Variants in CNTN4 observed in about 807,000 individuals in gnomAD.
CNTN4 encodes the protein contactin-4.
A neutral mutation model predicts 122.5 loss-of-function variants in CNTN4; 77 were observed. The observed-to-expected ratio is 0.63, with a 90% confidence interval of 0.52 to 0.76. The LOEUF (loss-of-function observed/expected upper bound fraction) is 0.76. Among genes scored for constraint, CNTN4 ranks in the 30% least tolerant of loss-of-function variants. The probability of loss-of-function intolerance (pLI) is 0.00; values close to 1 mark genes in which losing one functional copy is unlikely to be tolerated. For synonymous variants in CNTN4, 512 were observed against 447.0 expected, an observed-to-expected ratio of 1.15 and a Z score of -1.83; for missense variants, 1,256 against 1,259.1, an observed-to-expected ratio of 1.00 and a Z score of 0.04.
intron 7 of CNTN4, among the ~76,000 whole-genome samples, chr3:2,857,042 A>G (rs1305677134): frequency 2.0e-5 from 3 of 152,086 alleles, no homozygotes; most frequent in Admixed American, 6.5e-5. Flanking sequence ...TGAGACAAAA[A>G]ACCTCTATGG....
chr3:2,516,265 G>A (rs1353080213), intron 3 of CNTN4, among the ~76,000 whole-genome samples: 1 of 151,984 alleles, frequency 6.6e-6, no homozygotes, highest in Non-Finnish European at 1.5e-5. Context: ...TTAGGCAGCA[G>A]GCCTGTTGTA....
intron 3 of CNTN4, among the ~76,000 whole-genome samples, chr3:2,547,101 CA>C (rs959876713): frequency 6.6e-6 from 1 of 150,994 alleles, no homozygotes; most frequent in Non-Finnish European, 1.5e-5. Context: ...GAAAGCTAAA[CA>C]TTGGGAGAAA....
chr3:2,840,019 C>A (rs17021313), intron 7 of CNTN4, among the ~76,000 whole-genome samples: 9,717 of 152,172 alleles, frequency 0.064, 504 homozygotes, highest in East Asian at 0.17. Context: ...GAGCCAAGAT[C>A]TCTGGTGACG....
chr3:2,416,442 T>C (rs2047415470), intron 3 of CNTN4, among the ~76,000 whole-genome samples: 1 of 152,070 alleles, frequency 6.6e-6, no homozygotes, highest in Non-Finnish European at 1.5e-5. Flanking sequence ...GAAATGAAAA[T>C]TGGGAGGTAA....
intron 14 of CNTN4, among the ~76,000 whole-genome samples, chr3:2,998,870 C>T (rs758048231): frequency 4.6e-5 from 7 of 152,242 alleles, no homozygotes; most frequent in Middle Eastern, 3.4e-3. Context: ...AGTGACATGA[C>T]GCCAACTTCA....
chr3:2,800,160 A>AT (rs1384947498), intron 6 of CNTN4, among the ~76,000 whole-genome samples: 1 of 149,480 alleles, frequency 6.7e-6, no homozygotes, highest in Non-Finnish European at 1.5e-5. Flanking sequence ...TAATTTTAAG[A>AT]TTTAAAAAAA....
intron 3 of CNTN4, among the ~76,000 whole-genome samples, chr3:2,427,405 G>C (rs867535027): frequency 8.5e-5 from 13 of 152,292 alleles, no homozygotes; most frequent in African/African-American, 2.6e-4. Flanking sequence ...TTAATCCTGA[G>C]TTCTAGTTTG....
chr3:2,824,881 T>G (rs2092954079), intron 7 of CNTN4, among the ~76,000 whole-genome samples: 1 of 152,120 alleles, frequency 6.6e-6, no homozygotes, highest in Non-Finnish European at 1.5e-5. Flanking sequence ...CAGGCTGATC[T>G]CAAACTCCCG....
intron 3 of CNTN4, among the ~76,000 whole-genome samples, chr3:2,506,849 T>G (rs2076743930): frequency 6.6e-6 from 1 of 152,080 alleles, no homozygotes; most frequent in South Asian, 2.1e-4. Context: ...GATTTTTTTT[T>G]GTAGTGATAC....
intron 3 of CNTN4, among the ~76,000 whole-genome samples, chr3:2,419,624 A>G (rs1212918681): frequency 6.6e-6 from 1 of 152,326 alleles, no homozygotes; most frequent in Admixed American, 6.5e-5. Context: ...AAATAAATCT[A>G]AAATGAAATT....
chr3:2,665,062 C>A (rs2084083601), intron 4 of CNTN4, among the ~76,000 whole-genome samples: 1 of 152,164 alleles, frequency 6.6e-6, no homozygotes, highest in East Asian at 1.9e-4. Context: ...AGTTGTATTT[C>A]ATCTCTAGGG....
At chr3:2,527,509 T>C (rs1201141966) in intron 3 of CNTN4, among the ~76,000 whole-genome samples, 1 of 152,208 alleles carries the variant, frequency 6.6e-6, no homozygotes, top group African/African-American at 2.4e-5. Context: ...TTTCAAGATT[T>C]AGCATCTGAA....
intron 4 of CNTN4, among the ~76,000 whole-genome samples, chr3:2,687,029 G>C (rs1576457699): frequency 6.6e-6 from 1 of 152,160 alleles, no homozygotes; most frequent in African/African-American, 2.4e-5. Context: ...TGTTAATGAA[G>C]CCACAGGTGG....
intron 2 of CNTN4, among the ~76,000 whole-genome samples, chr3:2,165,194 G>A (rs2036143452): frequency 1.3e-5 from 2 of 151,954 alleles, no homozygotes; most frequent in African/African-American, 4.8e-5. Flanking sequence ...GTGATGGCGG[G>A]CTCCTGTAAT....
intron 4 of CNTN4, among the ~76,000 whole-genome samples, chr3:2,651,824 C>A (rs2083375073): frequency 6.6e-6 from 1 of 151,528 alleles, no homozygotes; most frequent in Non-Finnish European, 1.5e-5. Flanking sequence ...CTACTTCTTA[C>A]TCTCGAGTAG....
chr3:2,328,758 C>G (rs952945583), intron 2 of CNTN4, among the ~76,000 whole-genome samples: 2 of 151,996 alleles, frequency 1.3e-5, no homozygotes, highest in African/African-American at 4.8e-5. Context: ...TATAAGTAAT[C>G]TAGAGATGAT....
intron 3 of CNTN4, chr3:2,511,785 G>A (rs2076895204): frequency 6.6e-6 from 1 of 152,144 alleles, no homozygotes; most frequent in Non-Finnish European, 1.5e-5. Context: ...CTGTTCCATT[G>A]CTCTTTGTTG....
intron 3 of CNTN4, among the ~76,000 whole-genome samples, chr3:2,464,710 T>C (rs1468093959): frequency 1.3e-5 from 2 of 152,196 alleles, no homozygotes; most frequent in Admixed American, 6.5e-5. Flanking sequence ...GGACTACAGT[T>C]GAGACACTCT....
At chr3:2,850,674 CAG>C (rs1241375297) in intron 7 of CNTN4, among the ~76,000 whole-genome samples, 2 of 152,158 alleles carry the variant, frequency 1.3e-5, no homozygotes, top group African/African-American at 4.8e-5. Flanking sequence ...TTGGAGAAAA[CAG>C]AGTTTCTCAA....
Sources: allele counts gnomAD v4.1 joint callset (sites outside exome capture counted in the v4.1 genomes callset), GRCh38; gene constraint gnomAD v4.1.1; transcripts MANE v1.5; gene names NCBI Gene and HGNC (gene_info 2026-07-23, HGNC 2026-07-21).